ZNF529: variants seen among roughly 807,000 people sequenced by gnomAD.
The protein encoded by ZNF529 is zinc finger protein 529.
ZNF529 carries 11 observed loss-of-function variants against 10.1 expected under a neutral mutation model. That is an observed-to-expected ratio of 1.09 (90% confidence interval 0.69 to 1.81). The LOEUF (loss-of-function observed/expected upper bound fraction) is 1.81, where lower values mean the gene tolerates loss of function less well. Ranked by LOEUF, ZNF529 falls within the 40% of genes most tolerant of loss-of-function variation. The pLI is 0.00. For synonymous variants in ZNF529, 204 were observed against 215.7 expected (o/e 0.95, Z 0.47); for missense variants, 624 against 666.8 (o/e 0.94, Z 0.71).
upstream of ZNF529, chr19:36,574,692 G>GTTTAA (rs1568606882): frequency 1.3e-5 from 5 of 383,572 alleles, no homozygotes; most frequent in Non-Finnish European, 2.6e-5. Flanking sequence ...TTCTCCTTTA[G>GTTTAA]TTTACCCTAA....
upstream of ZNF529, chr19:36,605,330 G>C (rs1055546276): frequency 1.3e-5 from 2 of 152,626 alleles, no homozygotes; most frequent in African/African-American, 4.8e-5. Context: ...ACTCACCCTG[G>C]GCCGGGGGTG....
intron 2 of ZNF529, among the ~76,000 whole-genome samples, chr19:36,569,403 G>T (rs1261451442): frequency 6.6e-6 from 1 of 152,042 alleles, no homozygotes; most frequent in Non-Finnish European, 1.5e-5. Flanking sequence ...AACAGAGAAA[G>T]AACTAAAAAG....
At chr19:36,604,497 C>T (rs1432451851) in intron 1 of ZNF529, among the ~76,000 whole-genome samples, 3 of 152,190 alleles carry the variant, frequency 2.0e-5, no homozygotes, top group African/African-American at 4.8e-5. Flanking sequence ...CAAGAAACCA[C>T]GTAACTTAAA....
intron 2 of ZNF529, among the ~76,000 whole-genome samples, chr19:36,558,936 C>CAA (rs60265238): frequency 0.013 from 1,928 of 146,826 alleles, 51 homozygotes; most frequent in African/African-American, 0.045. Context: ...AACTCAATAG[C>CAA]AAAAAAAAAA....
At chr19:36,601,356 G>A (rs1044943990) in intron 1 of ZNF529, among the ~76,000 whole-genome samples, 3 of 151,672 alleles carry the variant, frequency 2.0e-5, no homozygotes, top group African/African-American at 4.8e-5. Flanking sequence ...CGCCTGCCTC[G>A]GCCTCCCAAA....
intron 2 of ZNF529, 81 bp downstream of exon 2, chr19:36,572,252 G>A: frequency 1.4e-6 from 2 of 1,455,240 alleles, no homozygotes; most frequent in Non-Finnish European, 1.9e-6. Flanking sequence ...GGAGGACAAG[G>A]GGACCCATCT....
chr19:36,602,823 G>A (rs1370024073), intron 1 of ZNF529, among the ~76,000 whole-genome samples: 8 of 151,826 alleles, frequency 5.3e-5, no homozygotes, highest in African/African-American at 1.7e-4. Flanking sequence ...CCAGCTACTC[G>A]GGAGGCTGAG....
At position 36,547,558 on chromosome 19, in the gene ZNF529, C is replaced by G. The variant is rs1176838644; in HGVS notation, c.1000G>C (p.Gly334Arg). ...QLTEHQRIHT[G>R]EKPYKCMHCE... is the part of the protein sequence containing the mutation. ...TGCATACATTTGTAGGGTTTCTCAC[C>G]AGTATGAATTCTCTGATGTTCGGTA... The change falls in exon 5 of 5, where the codon GGT (glycine) becomes CGT (arginine). Residue 334 changes from glycine (G) to arginine (R), a missense_variant. Coordinates refer to ENST00000591340, the MANE Select transcript of ZNF529 (RefSeq NM_020951.5). 3.2e-5 allele frequency: 51 copies of G among 1,613,782 alleles called. 1 individual carries two copies. The Admixed American group carries it at 8.5e-4, about 27-fold the overall frequency.
intron 2 of ZNF529, among the ~76,000 whole-genome samples, chr19:36,584,184 C>G (rs1360342293): frequency 6.6e-6 from 1 of 152,026 alleles, no homozygotes; most frequent in African/African-American, 2.4e-5. Context: ...CACAAGATGT[C>G]AGAAGACAGG....
At chr19:36,578,291 C>CTTATTT (rs2036381471), upstream of ZNF529, among the ~76,000 whole-genome samples, 1 of 31,794 alleles carries the variant, frequency 3.1e-5, no homozygotes, top group Non-Finnish European at 5.5e-5. Context: ...GTCTTGATCT[C>CTTATTT]TTTTTTTTTT....
chr19:36,573,298 C>G, upstream of ZNF529: 2 of 352,542 alleles, frequency 5.7e-6, no homozygotes, highest in South Asian at 3.9e-5. Flanking sequence ...ACCACAACAC[C>G]GGAAAAGGAA....
intron 2 of ZNF529, among the ~76,000 whole-genome samples, chr19:36,583,649 C>T (rs1237620033): frequency 1.3e-5 from 2 of 150,288 alleles, no homozygotes; most frequent in Admixed American, 6.7e-5. Context: ...TATAATATGA[C>T]AATATGAAAG....
At chr19:36,553,653 T>A (rs2035348004) in intron 4 of ZNF529, among the ~76,000 whole-genome samples, 1 of 152,232 alleles carries the variant, frequency 6.6e-6, no homozygotes, top group African/African-American at 2.4e-5. Context: ...TTGTAGAGAT[T>A]CTTTTAACGA....
intron 1 of ZNF529, chr19:36,593,919 C>T (rs980362006): frequency 5.3e-5 from 8 of 152,062 alleles, no homozygotes; most frequent in Admixed American, 4.6e-4. Context: ...TCTCAGCTTC[C>T]AAAATCGGGG....
intron 2 of ZNF529, among the ~76,000 whole-genome samples, chr19:36,561,040 A>G (rs2035672419): frequency 6.6e-6 from 1 of 152,180 alleles, no homozygotes. Context: ...TCATCATGAC[A>G]ATAGGAGAAT....
In ZNF529 at chr19:36,573,184, G is replaced by C. The variant is rs1002628373; in HGVS notation, c.-91C>G. On this transcript the variant is annotated 5_prime_UTR_variant, in exon 1 of 5. Transcript: ENST00000591340. ...CGCGTACAGAGGCCTCAGGCTCCCG[G>C]CTCCACGTGGACCGACCTCGCCCGG... 2 of 315,630 alleles carry C rather than the reference G, an allele frequency of 6.3e-6. No homozygotes were observed. The highest frequency in any genetic ancestry group is 4.3e-5 in the African/African-American group (2 of 46,020). 19.6% of individuals were successfully genotyped at this position (315,630 alleles called of 1,614,324 possible).
At chr19:36,576,965 T>C (rs1350570991), upstream of ZNF529, among the ~76,000 whole-genome samples, 3 of 150,900 alleles carry the variant, frequency 2.0e-5, no homozygotes, top group South Asian at 6.3e-4. Flanking sequence ...TTTCTTTTTT[T>C]TTTTTTTTTG....
intron 2 of ZNF529, among the ~76,000 whole-genome samples, chr19:36,558,813 A>G (rs989243237): frequency 8.5e-5 from 13 of 152,102 alleles, no homozygotes; most frequent in Non-Finnish European, 1.8e-4. Flanking sequence ...AGCTTCTACG[A>G]AAGAAAGGAA....
chr19:36,546,585 A>G lies in ZNF529; in HGVS notation c.*281T>C. 3.2e-6 allele frequency: 1 copy of G among 316,396 alleles called. No individual in the cohort carries two copies. Among genetic ancestry groups the G allele is most frequent in the South Asian group, 8.5e-5 (1 of 11,820 alleles). 19.6% of individuals were successfully genotyped at this position (316,396 alleles called of 1,614,324 possible). On this transcript the variant is annotated 3_prime_UTR_variant, in exon 5 of 5. Coordinates refer to ENST00000591340, the MANE Select transcript of ZNF529 (RefSeq NM_020951.5). Reference sequence around the variant, plus strand: ...ACTGAATAGTCAAAAGAGCAATAATACAAACATCAAAAGCTATTGTAAACA... The same window carrying G: ...ACTGAATAGTCAAAAGAGCAATAATGCAAACATCAAAAGCTATTGTAAACA...
Sources: gnomAD v4.1 joint callset for allele counts (sites outside exome capture counted in the v4.1 genomes callset) on GRCh38, gnomAD v4.1.1 for gene constraint, MANE v1.5 for transcripts, NCBI Gene and HGNC (gene_info 2026-07-23, HGNC 2026-07-21) for gene names.